Variants in SYT13 observed in about 807,000 individuals in gnomAD.
SYT13 encodes the protein synaptotagmin 13.
In SYT13, 21 loss-of-function variants were observed where a neutral mutation model predicts 38.6. The observed-to-expected ratio is 0.54, with a 90% CI of 0.39 to 0.78. The LOEUF (loss-of-function observed/expected upper bound fraction) is 0.78. Among genes scored for constraint, SYT13 ranks in the 30% least tolerant of loss-of-function variants. The pLI is 0.00. For missense variants in SYT13, 495 were observed against 548.7 expected, an observed-to-expected ratio of 0.90 and a Z score of 0.98; for synonymous variants, 241 against 237.6, an observed-to-expected ratio of 1.01 and a Z score of -0.13.
intron 1 of SYT13, among the ~76,000 whole-genome samples, chr11:45,275,581 A>G (rs1855000772): frequency 6.6e-6 from 1 of 152,202 alleles, no homozygotes; most frequent in South Asian, 2.1e-4. Flanking sequence ...ATTCTTAAGC[A>G]GTGTGTAAAA....
intron 1 of SYT13, among the ~76,000 whole-genome samples, chr11:45,274,507 T>C (rs1854986757): frequency 6.6e-6 from 1 of 152,204 alleles, no homozygotes; most frequent in African/African-American, 2.4e-5. Flanking sequence ...CTCTGATAGC[T>C]TCCCCTTTCC....
In SYT13 at chr11:45,254,684, C is replaced by T. The variant is rs1854721069; in HGVS notation, c.410-280G>A. 5 of 329,806 alleles carry T rather than the reference C, an allele frequency of 1.5e-5. No homozygotes were observed. In the South Asian group the frequency reaches 3.3e-4, roughly 22 times the overall value. 20.4% of individuals were successfully genotyped at this position (329,806 alleles called of 1,614,324 possible). On this transcript the variant is annotated intron_variant, in intron 2 of 5. Coordinates refer to ENST00000020926, the MANE Select transcript of SYT13 (RefSeq NM_020826.3). Reference sequence around the variant, plus strand: ...CTTTATGTTTTGTCTTTCTAAAACGCCTACATATTCTTTGGGTCAGGGACG... The same window carrying T: ...CTTTATGTTTTGTCTTTCTAAAACGTCTACATATTCTTTGGGTCAGGGACG...
chr11:45,272,549 T>A (rs1454466143), intron 1 of SYT13, among the ~76,000 whole-genome samples: 17 of 152,226 alleles, frequency 1.1e-4, no homozygotes, highest in Non-Finnish European at 1.5e-5. Context: ...CCAGTCAGTA[T>A]CATCCATAGA....
At chr11:45,255,143 C>CA (rs1232130591) in intron 2 of SYT13, among the ~76,000 whole-genome samples, 33 of 152,008 alleles carry the variant, frequency 2.2e-4, no homozygotes, top group Non-Finnish European at 3.8e-4. Context: ...GACCTTATCT[C>CA]AAAAAAACAA....
rs114459218 is a variant in SYT13 at position 45,266,559 on chromosome 11, A to G, written c.184-10668T>C. Among the ~76,000 whole-genome samples, 1,392 of 151,314 alleles carry G rather than the reference A, an allele frequency of 9.2e-3. 25 individuals carry two copies. The highest frequency in any genetic ancestry group is 0.032 in the African/African-American group (1,325 of 40,792). On this transcript the variant is annotated intron_variant, in intron 1 of 5. Transcript: ENST00000020926. The stretch of plus-strand genomic sequence containing the variant: ...ATACACACATCCTAATGTCTGGACA[A>G]CAGGCATTAAGTCCATTACATCAAG...
At chr11:45,259,715 C>T (rs1210329503) in intron 1 of SYT13, among the ~76,000 whole-genome samples, 1 of 152,110 alleles carries the variant, frequency 6.6e-6, no homozygotes, top group Non-Finnish European at 1.5e-5. Flanking sequence ...TGACTGATTC[C>T]CAGGGGTTGG....
In SYT13 at chr11:45,243,796, A is replaced by G. The variant is rs1211292863; in HGVS notation, c.*256T>C. ...CTAACCCCACCTATAAAACAGGCAT[A>G]GGAACTGTATTTAATAAGCACCTCC... On this transcript the variant is annotated 3_prime_UTR_variant, in exon 6 of 6. Transcript: ENST00000020926. 6 of 447,822 alleles carry G rather than the reference A, an allele frequency of 1.3e-5. No homozygotes were observed. The highest frequency in any genetic ancestry group is 5.6e-4 in the Middle Eastern group (1 of 1,794). 27.7% of individuals were successfully genotyped at this position (447,822 alleles called of 1,614,324 possible).
intron 1 of SYT13, among the ~76,000 whole-genome samples, chr11:45,276,284 GAT>G (rs1355982155): frequency 1.3e-5 from 2 of 152,202 alleles, no homozygotes; most frequent in Non-Finnish European, 2.9e-5. Context: ...CCTTTGCAGG[GAT>G]ATGGATGAAG....
intron 1 of SYT13, chr11:45,269,359 AAC>A: frequency 1.1e-6 from 1 of 913,694 alleles, no homozygotes; most frequent in Non-Finnish European, 1.4e-6. Context: ...CAAACAAACA[AAC>A]AAAAAACTCC....
At chr11:45,281,299 G>A (rs369886309) in intron 1 of SYT13, among the ~76,000 whole-genome samples, 3 of 152,166 alleles carry the variant, frequency 2.0e-5, no homozygotes, top group South Asian at 2.1e-4. Context: ...CAGTGATCCC[G>A]ACTCTGCTGG....
chr11:45,259,688 TC>T (rs1407750634), intron 1 of SYT13, among the ~76,000 whole-genome samples: 1 of 152,190 alleles, frequency 6.6e-6, no homozygotes, highest in Non-Finnish European at 1.5e-5. Context: ...TCCTTCCATT[TC>T]TTGGCATTAT....
chr11:45,253,456 T>C (rs189799458), intron 3 of SYT13, among the ~76,000 whole-genome samples: 38 of 152,224 alleles, frequency 2.5e-4, no homozygotes, highest in Non-Finnish European at 3.5e-4. Context: ...AGACCAAACA[T>C]AATAAAGTAT....
At chr11:45,269,230 G>A (rs568022078) in intron 1 of SYT13, among the ~76,000 whole-genome samples, 1 of 152,300 alleles carries the variant, frequency 6.6e-6, no homozygotes, top group South Asian at 2.1e-4. Context: ...GTCCGCAGGT[G>A]CAATACAGCT....
intron 1 of SYT13, among the ~76,000 whole-genome samples, chr11:45,263,722 G>A (rs753452819): frequency 6.6e-6 from 1 of 152,170 alleles, no homozygotes; most frequent in Non-Finnish European, 1.5e-5. Context: ...GCACACTAAC[G>A]TGTATATAAT....
chr11:45,250,927 G>T (rs1484158082), intron 4 of SYT13, among the ~76,000 whole-genome samples: 1 of 152,080 alleles, frequency 6.6e-6, no homozygotes, highest in Non-Finnish European at 1.5e-5. Flanking sequence ...CGGCCTCAAG[G>T]TCTGCCATTT....
chr11:45,245,157 C>T (rs1351809385), intron 5 of SYT13, among the ~76,000 whole-genome samples: 2 of 152,202 alleles, frequency 1.3e-5, no homozygotes, highest in Non-Finnish European at 2.9e-5. Flanking sequence ...CTGCACGCTC[C>T]CCCAAACCCA....
intron 3 of SYT13, chr11:45,254,069 C>T (rs780277790): frequency 8.8e-5 from 43 of 488,384 alleles, no homozygotes; most frequent in Non-Finnish European, 1.4e-4. Context: ...AAACGTTTGT[C>T]AACCAGGAAT....
chr11:45,243,510 T>G lies in SYT13; in HGVS notation c.*542A>C, dbSNP rs1047630632. ...CTGGGCTTCGACCAGGAATACCGACTAGGAATGTCTCCAGGCGAGCCCAGG... is the reference window on the plus strand; with the variant it reads ...CTGGGCTTCGACCAGGAATACCGACGAGGAATGTCTCCAGGCGAGCCCAGG... On this transcript the variant is annotated 3_prime_UTR_variant, in exon 6 of 6. Transcript: ENST00000020926. 1.3e-5 allele frequency: 2 copies of G among 152,566 alleles called. No homozygotes were observed. The highest frequency in any genetic ancestry group is 4.8e-5 in the African/African-American group (2 of 41,452). The allele number at this position is 152,566 out of a possible 1,614,324, so 9.5% of individuals were successfully genotyped here. A position where few individuals can be genotyped will look rare whatever the true frequency, so the allele number is the denominator to read the frequency against.
At chr11:45,274,060 A>G (rs892745937) in intron 1 of SYT13, among the ~76,000 whole-genome samples, 2 of 152,232 alleles carry the variant, frequency 1.3e-5, no homozygotes, top group African/African-American at 4.8e-5. Context: ...TGATTTGGCT[A>G]GGAGATGGTG....
Sources: gnomAD v4.1 joint callset for allele counts (sites outside exome capture counted in the v4.1 genomes callset) on GRCh38, gnomAD v4.1.1 for gene constraint, MANE v1.5 for transcripts, NCBI Gene and HGNC (gene_info 2026-07-23, HGNC 2026-07-21) for gene names.